Variants in NGF observed in about 807,000 individuals in gnomAD.
NGF encodes the protein nerve growth factor, also known as beta-nerve growth factor.
A neutral mutation model predicts 12.8 loss-of-function variants in NGF; 4 were observed. That is an observed-to-expected ratio of 0.31 (90% confidence interval 0.15 to 0.72). The LOEUF (loss-of-function observed/expected upper bound fraction) is 0.72. NGF is among the 30% of genes least tolerant of loss of function. The probability of loss-of-function intolerance (pLI) is 0.69; values close to 1 mark genes in which losing one functional copy is unlikely to be tolerated. For synonymous variants in NGF, 140 were observed against 130.0 expected (o/e 1.08, Z -0.52); for missense variants, 283 against 330.8 (o/e 0.86, Z 1.12).
At chr1:115,306,957 T>C (rs1365178627) in intron 1 of NGF, among the ~76,000 whole-genome samples, 1 of 152,258 alleles carries the variant, frequency 6.6e-6, no homozygotes, top group African/African-American at 2.4e-5. Flanking sequence ...CGATGATTGA[T>C]GGCCCTGGCC....
Position 115,286,811 on chromosome 1 carries a change from G to T in NGF, c.-12-4C>A, listed in dbSNP as rs1185277471. The T allele has an allele frequency of 6.2e-7, 1 of 1,614,044 alleles. No individual in the cohort carries two copies. Among genetic ancestry groups the T allele is most frequent in the Non-Finnish European group, 8.5e-7 (1 of 1,180,032 alleles). ...ACATGGACATTACGCTATGCACCTG[G>T]AATGAAAAAGAAATGAGGGTGACTT... On this transcript the variant is annotated splice_region_variant and splice_polypyrimidine_tract_variant and intron_variant, in intron 2 of 2. Coordinates refer to ENST00000369512, the MANE Select transcript of NGF (RefSeq NM_002506.3).
At chr1:115,314,120 G>C (rs1191882780) in intron 1 of NGF, among the ~76,000 whole-genome samples, 1 of 152,202 alleles carries the variant, frequency 6.6e-6, no homozygotes, top group Admixed American at 6.5e-5. Flanking sequence ...TTCTGTAGAA[G>C]TGTAGCAGAA....
At position 115,286,580 on chromosome 1, in the gene NGF, C is replaced by T. The variant is rs1414433934; in HGVS notation, c.216G>A (p.Val72=). The T allele has an allele frequency of 3.1e-6, 5 of 1,614,182 alleles. No homozygotes were observed. Among genetic ancestry groups the T allele is most frequent in the Middle Eastern group, 1.6e-4 (1 of 6,062 alleles). The change falls in exon 3 of 3, where the codon GTG becomes GTA. Residue 72 remains valine (V), a synonymous_variant. Transcript: ENST00000369512. ...GCCGCTTTTTAAACAGCCTGGGGTC[C>T]ACAGTAATGTTGCGGGTCTGCCCCG... is the stretch of plus-strand genomic sequence containing the variant. ...RVAGQTRNIT[V]DPRLFKKRRL...
chr1:115,311,259 G>T (rs758657650), intron 1 of NGF, among the ~76,000 whole-genome samples: 5 of 152,250 alleles, frequency 3.3e-5, no homozygotes, highest in South Asian at 2.1e-4. Context: ...TTTCAACCAG[G>T]AGAGACTTCT....
At chr1:115,336,506 G>A (rs546607368) in intron 1 of NGF, among the ~76,000 whole-genome samples, 2 of 152,118 alleles carry the variant, frequency 1.3e-5, no homozygotes, top group East Asian at 1.9e-4. Flanking sequence ...CCCCAGACCC[G>A]CCTGTCTCCT....
chr1:115,299,036 A>G (rs1653956552), intron 1 of NGF, among the ~76,000 whole-genome samples: 1 of 152,198 alleles, frequency 6.6e-6, no homozygotes, highest in Non-Finnish European at 1.5e-5. Context: ...AGTATGAAAT[A>G]TAATATGAGG....
intron 1 of NGF, among the ~76,000 whole-genome samples, chr1:115,312,534 A>G (rs955599138): frequency 2.0e-5 from 3 of 152,246 alleles, no homozygotes; most frequent in African/African-American, 7.2e-5. Context: ...TGGAGGGGTC[A>G]CAGAAGCCTG....
At chr1:115,335,983 C>T (rs1177210788) in intron 1 of NGF, among the ~76,000 whole-genome samples, 2 of 152,306 alleles carry the variant, frequency 1.3e-5, no homozygotes, top group South Asian at 2.1e-4. Context: ...CCCTACCCTA[C>T]TCTCCCTGCT....
At chr1:115,327,731 C>T (rs924044578) in intron 1 of NGF, among the ~76,000 whole-genome samples, 3 of 152,204 alleles carry the variant, frequency 2.0e-5, no homozygotes, top group Non-Finnish European at 4.4e-5. Context: ...ACAGGTGCAA[C>T]AGCAATGAAT....
intron 1 of NGF, among the ~76,000 whole-genome samples, chr1:115,315,569 C>T (rs547758218): frequency 3.3e-5 from 5 of 152,004 alleles, no homozygotes; most frequent in Non-Finnish European, 5.9e-5. Context: ...AAGGCAGAAT[C>T]AAGAGTTTAG....
intron 1 of NGF, among the ~76,000 whole-genome samples, chr1:115,301,776 G>T (rs1012874599): frequency 6.6e-6 from 1 of 152,180 alleles, no homozygotes; most frequent in Non-Finnish European, 1.5e-5. Context: ...CAGCCATGTC[G>T]CAGTCAGAGG....
rs779678303 is a variant in NGF at position 115,286,481 on chromosome 1, G to A, written c.315C>T (p.Phe105=). Residue 105 remains phenylalanine (F), a synonymous_variant, in exon 3 of 3, where the codon TTC becomes TTT. Transcript: ENST00000369512. ...REAADTQDLD[F]EVGGAAPFNR... ...TGAAGGGGGCAGCACCACCGACCTC[G>A]AAGTCCAGATCCTGAGTGTCTGCAG... The A allele has an allele frequency of 3.0e-5, 49 of 1,614,032 alleles. No homozygotes were observed. The South Asian group carries it at 3.3e-4, about 11-fold the overall frequency.
At chr1:115,334,397 C>T (rs1339305228) in intron 1 of NGF, among the ~76,000 whole-genome samples, 1 of 152,144 alleles carries the variant, frequency 6.6e-6, no homozygotes, top group African/African-American at 2.4e-5. Flanking sequence ...GAGTAGGAAG[C>T]TGCCATGCTC....
intron 1 of NGF, among the ~76,000 whole-genome samples, chr1:115,331,996 T>G (rs181980799): frequency 4.8e-4 from 73 of 152,332 alleles, no homozygotes; most frequent in African/African-American, 1.5e-3. Context: ...CAGCAACAGC[T>G]GCTTAACCCT....
At chr1:115,298,170 A>T (rs1653927715) in intron 1 of NGF, among the ~76,000 whole-genome samples, 1 of 152,178 alleles carries the variant, frequency 6.6e-6, no homozygotes, top group Non-Finnish European at 1.5e-5. Flanking sequence ...GATATAATTG[A>T]CATTTGTGAA....
chr1:115,325,957 T>C (rs1247910903), intron 1 of NGF, among the ~76,000 whole-genome samples: 1 of 152,114 alleles, frequency 6.6e-6, no homozygotes, highest in African/African-American at 2.4e-5. Context: ...ATTCTAAATT[T>C]GAGATGTCCT....
intron 1 of NGF, among the ~76,000 whole-genome samples, chr1:115,324,213 C>T (rs1032967237): frequency 6.6e-6 from 1 of 152,132 alleles, no homozygotes; most frequent in Non-Finnish European, 1.5e-5. Flanking sequence ...GATGACGGGT[C>T]AGAGCATTTG....
intron 1 of NGF, among the ~76,000 whole-genome samples, chr1:115,303,335 A>C (rs1003684867): frequency 6.6e-6 from 1 of 152,162 alleles, no homozygotes; most frequent in Admixed American, 6.5e-5. Flanking sequence ...CAAGTATAGA[A>C]TTTAGATCCA....
In NGF at chr1:115,286,460, G is replaced by C; in HGVS notation, c.336C>G (p.Pro112=). The part of the protein sequence containing the change: ...DLDFEVGGAA[P]FNRTHRSKRS... ...GCTTGCTCCTGTGAGTCCTGTTGAAGGGGGCAGCACCACCGACCTCGAAGT... is the reference window on the plus strand; with the variant it reads ...GCTTGCTCCTGTGAGTCCTGTTGAACGGGGCAGCACCACCGACCTCGAAGT... The change falls in exon 3 of 3, where the codon CCC becomes CCG. Residue 112 remains proline, a synonymous_variant. Transcript: ENST00000369512. The C allele has an allele frequency of 6.2e-7, 1 of 1,613,830 alleles. No homozygotes were observed. Among genetic ancestry groups the C allele is most frequent in the Non-Finnish European group, 8.5e-7 (1 of 1,179,892 alleles).
Sources: allele counts gnomAD v4.1 joint callset (sites outside exome capture counted in the v4.1 genomes callset), GRCh38; gene constraint gnomAD v4.1.1; transcripts MANE v1.5; gene names NCBI Gene and HGNC (gene_info 2026-07-23, HGNC 2026-07-21).